Variants in ERBB4 observed in about 807,000 individuals in gnomAD.
The protein encoded by ERBB4 is erb-b2 receptor tyrosine kinase 4, also known as receptor tyrosine-protein kinase erbB-4.
Under a neutral mutation model 158.0 loss-of-function variants are expected in ERBB4, and 42 were observed. That is an observed-to-expected ratio of 0.27 (90% CI 0.21 to 0.34). The LOEUF (loss-of-function observed/expected upper bound fraction) is 0.34, where lower values mean the gene tolerates loss of function less well. Ranked by LOEUF, ERBB4 falls within the 10% of genes least tolerant of loss-of-function variation. The probability of loss-of-function intolerance (pLI) is 1.00; values close to 1 mark genes in which losing one functional copy is unlikely to be tolerated. For missense variants in ERBB4, 1,333 were observed against 1,624.1 expected, an observed-to-expected ratio of 0.82 and a Z score of 3.08; for synonymous variants, 583 against 558.7, an observed-to-expected ratio of 1.04 and a Z score of -0.61.
intron 1 of ERBB4, among the ~76,000 whole-genome samples, chr2:212,161,567 G>T (rs1345666800): frequency 2.6e-5 from 4 of 151,722 alleles, no homozygotes; most frequent in African/African-American, 4.8e-5. Flanking sequence ...TACCTCAAAG[G>T]CTTCATATTG....
chr2:211,445,016 G>A (rs1305567624), intron 20 of ERBB4, among the ~76,000 whole-genome samples: 2 of 152,060 alleles, frequency 1.3e-5, no homozygotes, highest in East Asian at 3.8e-4. Flanking sequence ...CACGTAAAAA[G>A]GATAGAGTTC....
chr2:211,634,157 A>T (rs1264824765), intron 16 of ERBB4, among the ~76,000 whole-genome samples: 1 of 152,210 alleles, frequency 6.6e-6, no homozygotes, highest in East Asian at 1.9e-4. Flanking sequence ...ATAAAAGTTT[A>T]TTAAATTCAA....
chr2:212,352,903 T>C lies in ERBB4; in HGVS notation c.82+185546A>G, dbSNP rs1031270874. 3.3e-5 allele frequency among the ~76,000 whole-genome samples: 5 copies of C among 151,858 alleles called. No homozygotes were observed. In the East Asian group the frequency reaches 9.6e-4, roughly 29 times the overall value. On this transcript the variant is annotated intron_variant, in intron 1 of 27. Coordinates refer to ENST00000342788, the MANE Select transcript of ERBB4 (RefSeq NM_005235.3). ...AAATAAAACAAAATAAAGAAATAAA[T>C]TGAATTATAATTTACTTTAACAGTA...
chr2:212,096,366 G>A (rs2078933683), intron 2 of ERBB4, among the ~76,000 whole-genome samples: 1 of 152,102 alleles, frequency 6.6e-6, no homozygotes, highest in Admixed American at 6.6e-5. Context: ...AAAGGAGTAT[G>A]CCATCGTAAC....
chr2:211,679,277 T>A, intron 12 of ERBB4, 93 bp from the exon 13 acceptor site: 1 of 1,413,886 alleles, frequency 7.1e-7, no homozygotes, highest in Non-Finnish European at 9.9e-7. Context: ...AGGAGTTCAC[T>A]TAAAAGAGAT....
rs889211901 is a variant in ERBB4, at chr2:211,380,350, A to T, written c.*3265T>A. On this transcript the variant is annotated 3_prime_UTR_variant, in exon 28 of 28. Coordinates refer to ENST00000342788, the MANE Select transcript of ERBB4 (RefSeq NM_005235.3). ...TTTCTTTAGGCAATCATTTAACTGC[A>T]AAATTTTTCCATACCTGCCCAAAAT... The T allele has an allele frequency of 5.4e-6, 1 of 185,768 alleles. No homozygotes were observed. The highest frequency in any genetic ancestry group is 2.6e-5 in the African/African-American group (1 of 38,438). 11.5% of individuals were successfully genotyped at this position (185,768 alleles called of 1,614,324 possible).
chr2:212,483,039 A>G (rs1024609787), intron 1 of ERBB4, among the ~76,000 whole-genome samples: 2 of 147,200 alleles, frequency 1.4e-5, no homozygotes, highest in Admixed American at 6.6e-5. Flanking sequence ...TTGTGAGCAG[A>G]TAGATAGAAC....
At chr2:211,455,889 G>A (rs2064369592) in intron 20 of ERBB4, among the ~76,000 whole-genome samples, 1 of 152,176 alleles carries the variant, frequency 6.6e-6, no homozygotes, top group African/African-American at 2.4e-5. Context: ...AGTCCCAGGA[G>A]TAATAAATTT....
intron 1 of ERBB4, among the ~76,000 whole-genome samples, chr2:212,439,598 T>C (rs1342902139): frequency 2.0e-5 from 3 of 152,328 alleles, no homozygotes; most frequent in Admixed American, 1.3e-4. Context: ...TGAAATGCAT[T>C]ATTTCTGTAG....
intron 14 of ERBB4, among the ~76,000 whole-genome samples, chr2:211,669,284 A>G (rs990871968): frequency 6.6e-6 from 1 of 151,960 alleles, no homozygotes; most frequent in Non-Finnish European, 1.5e-5. Context: ...TACATGAAAA[A>G]AAAAGAACTT....
At chr2:212,476,545 T>C (rs951704452) in intron 1 of ERBB4, among the ~76,000 whole-genome samples, 1 of 152,166 alleles carries the variant, frequency 6.6e-6, no homozygotes, top group African/African-American at 2.4e-5. Flanking sequence ...ACTGCAACTA[T>C]TTTAGGTATT....
chr2:211,778,345 A>T (rs1443719454), intron 4 of ERBB4: 1 of 152,178 alleles, frequency 6.6e-6, no homozygotes, highest in Non-Finnish European at 1.5e-5. Flanking sequence ...AAGGGCGGGG[A>T]TAGTAGGCAC....
intron 1 of ERBB4, among the ~76,000 whole-genome samples, chr2:212,207,042 A>C (rs980986298): frequency 6.6e-6 from 1 of 151,954 alleles, no homozygotes; most frequent in African/African-American, 2.4e-5. Flanking sequence ...AAGCACAATT[A>C]AGTAGACTGA....
intron 12 of ERBB4, among the ~76,000 whole-genome samples, chr2:211,687,022 G>A (rs1241579318): frequency 6.6e-6 from 1 of 152,096 alleles, no homozygotes. Context: ...TGGGCTGGGC[G>A]TGGTGGCTCA....
intron 3 of ERBB4, among the ~76,000 whole-genome samples, chr2:211,812,560 A>G (rs1013411498): frequency 2.0e-5 from 3 of 152,170 alleles, no homozygotes; most frequent in African/African-American, 7.2e-5. Flanking sequence ...TGGAAGAACC[A>G]CTGCTCTCCT....
At chr2:212,455,084 G>A (rs112636632) in intron 1 of ERBB4, among the ~76,000 whole-genome samples, 3,549 of 152,194 alleles carry the variant, frequency 0.023, 56 homozygotes, top group African/African-American at 0.045. Context: ...CCACCTTTGG[G>A]GGCTAAGTCA....
chr2:212,477,413 T>C (rs10497975), intron 1 of ERBB4, among the ~76,000 whole-genome samples: 24,072 of 152,076 alleles, frequency 0.16, 2,416 homozygotes, highest in Non-Finnish European at 0.23. Context: ...AAAGTAGACA[T>C]GGACGATAAA....
chr2:212,291,135 G>C (rs1032756231), intron 1 of ERBB4, among the ~76,000 whole-genome samples: 1 of 152,074 alleles, frequency 6.6e-6, no homozygotes, highest in Non-Finnish European at 1.5e-5. Flanking sequence ...GGCAGAGTAT[G>C]TGAACGTCAA....
At chr2:211,596,665 T>C (rs2068638625) in intron 19 of ERBB4, among the ~76,000 whole-genome samples, 1 of 152,162 alleles carries the variant, frequency 6.6e-6, no homozygotes. Flanking sequence ...AATCTTTTTC[T>C]CTTGATGACT....
Sources: gnomAD v4.1 joint callset for allele counts (sites outside exome capture counted in the v4.1 genomes callset) on GRCh38, gnomAD v4.1.1 for gene constraint, MANE v1.5 for transcripts, NCBI Gene and HGNC (gene_info 2026-07-23, HGNC 2026-07-21) for gene names.